MYH10: variants seen among roughly 807,000 people sequenced by gnomAD.
MYH10 encodes the protein myosin heavy chain 10.
MYH10 carries 55 observed loss-of-function variants against 257.8 expected under a neutral mutation model. That is an observed-to-expected ratio of 0.21 (90% CI 0.17 to 0.27). MYH10 has a LOEUF of 0.27. Among genes scored for constraint, MYH10 ranks in the 10% least tolerant of loss-of-function variants. The probability of loss-of-function intolerance (pLI) is 1.00; values close to 1 mark genes in which losing one functional copy is unlikely to be tolerated. For synonymous variants in MYH10, 854 were observed against 921.7 expected, an observed-to-expected ratio of 0.93 and a Z score of 1.33; for missense variants, 1,631 against 2,500.6, an observed-to-expected ratio of 0.65 and a Z score of 7.42.
chr17:8,627,629 C>T (rs2085734055), intron 1 of MYH10, among the ~76,000 whole-genome samples: 1 of 152,142 alleles, frequency 6.6e-6, no homozygotes, highest in Non-Finnish European at 1.5e-5. Context: ...TTGTAATTGT[C>T]AAATACATTT....
At chr17:8,612,648 C>G (rs1485598467) in intron 2 of MYH10, among the ~76,000 whole-genome samples, 1 of 152,086 alleles carries the variant, frequency 6.6e-6, no homozygotes, top group Non-Finnish European at 1.5e-5. Flanking sequence ...GTCAGGAGTT[C>G]AAAACCAGCC....
chr17:8,546,728 TA>T, intron 11 of MYH10, 66 bp from the exon 12 acceptor site: 1 of 1,161,026 alleles, frequency 8.6e-7, no homozygotes, highest in Non-Finnish European at 1.3e-6. Flanking sequence ...ATATATTCAA[TA>T]AACACTGGAA....
At chr17:8,607,784 C>T (rs960860718) in intron 2 of MYH10, among the ~76,000 whole-genome samples, 4 of 152,118 alleles carry the variant, frequency 2.6e-5, no homozygotes, top group African/African-American at 4.8e-5. Flanking sequence ...GACAAATAGA[C>T]GCACACTAAA....
In MYH10 at chr17:8,492,648, T is replaced by TG. The variant is rs1555571770; in HGVS notation, c.4458+127dup. 2,297 of 1,138,274 alleles carry TG rather than the reference T, an allele frequency of 2.0e-3. 20 individuals carry two copies. The African/African-American group carries it at 0.034, about 17-fold the overall frequency. 70.5% of individuals were successfully genotyped at this position (1,138,274 alleles called of 1,614,324 possible). ...TGTATTTCCTTTTTTTTTTTTTTTT[T>TG]GCTTTCCCTTTTTCCAATTTTGATA... On this transcript the variant is annotated intron_variant, in intron 33 of 42. Transcript: ENST00000360416.
chr17:8,556,586 A>T (rs1251299204), intron 7 of MYH10, among the ~76,000 whole-genome samples: 2 of 152,246 alleles, frequency 1.3e-5, no homozygotes, highest in Non-Finnish European at 2.9e-5. Flanking sequence ...AGGGACAGAA[A>T]CAGGTCAGTG....
chr17:8,506,154 C>A lies in MYH10; in HGVS notation c.3386+164G>T. On this transcript the variant is annotated intron_variant, in intron 27 of 42. Transcript: ENST00000360416. This position sits in a 1 kb window ranked among gnomAD's most constrained non-coding sequence, Gnocchi z 5.0. The stretch of plus-strand genomic sequence containing the variant: ...TTATGAGACTTTCTTGCTGTCCTGA[C>A]ACAAATTCTGTACGCCTGGGCTTTT... 1 of 600,270 alleles carries A rather than the reference C, an allele frequency of 1.7e-6. No individual in the cohort carries two copies. The allele number at this position is 600,270 out of a possible 1,614,324, so 37.2% of individuals were successfully genotyped here.
In MYH10 at chr17:8,511,015, CATATATATAT is replaced by C. The variant is rs56144668; in HGVS notation, c.2953-1076_2953-1067del. The C allele has an allele frequency of 2.2e-3, 262 of 120,514 alleles. 2 individuals are homozygous for C. The highest frequency in any genetic ancestry group is 9.5e-3 in the African/African-American group (247 of 25,958). The allele number at this position is 120,514 out of a possible 1,614,324, so 7.5% of individuals were successfully genotyped here. The stretch of plus-strand genomic sequence containing the variant: ...CTGTATCAAAACATCTCATGTACCC[CATATATATAT>C]ATATATATATATATATATATATATA... On this transcript the variant is annotated intron_variant, in intron 24 of 42. Transcript: ENST00000360416.
At chr17:8,505,640 C>T (rs1261369209) in intron 27 of MYH10, among the ~76,000 whole-genome samples, 1 of 152,230 alleles carries the variant, frequency 6.6e-6, no homozygotes, top group African/African-American at 2.4e-5. Context: ...ATCATGCTCT[C>T]AGTGGAGAAA....
Position 8,512,536 on chromosome 17 carries a change from T to C in MYH10, c.2867A>G (p.His956Arg), listed in dbSNP as rs142565684. The change falls in exon 24 of 43, where the codon CAT (histidine) becomes CGT (arginine). Residue 956 changes from histidine (H) to arginine (R), a missense_variant. By Grantham distance (29) the His-to-Arg change is conservative. Transcript: ENST00000360416. Reference sequence around the variant, plus strand: ...TTCTTCAACCCTAGACTCCAAGTCATGTAGAATCTCTTCTAATTCCTGCTT... The same window carrying C: ...TTCTTCAACCCTAGACTCCAAGTCACGTAGAATCTCTTCTAATTCCTGCTT... ...AKKQELEEIL[H>R]DLESRVEEEE... 1 of 1,613,890 alleles carries C rather than the reference T, an allele frequency of 6.2e-7. No individual in the cohort carries two copies. The highest frequency in any genetic ancestry group is 8.5e-7 in the Non-Finnish European group (1 of 1,180,014).
intron 4 of MYH10, among the ~76,000 whole-genome samples, chr17:8,585,453 C>T (rs945783673): frequency 3.3e-5 from 5 of 151,594 alleles, no homozygotes; most frequent in Middle Eastern, 3.4e-3. Context: ...ATTAGCTTGG[C>T]GGTGGACTAA....
intron 7 of MYH10, among the ~76,000 whole-genome samples, chr17:8,558,140 T>C (rs1038573070): frequency 3.3e-5 from 5 of 152,214 alleles, no homozygotes; most frequent in African/African-American, 1.2e-4. Context: ...AAGTTTTGTT[T>C]GGATTTTTGT....
At position 8,595,425 on chromosome 17, in the gene MYH10, C is replaced by CTTTTTTTTTTTT. The variant is rs10664342; in HGVS notation, c.503-6329_503-6318dup. ...TGCTGTCTCCCCAGTAAGAACAGTT[C>CTTTTTTTTTTTT]TTTTTTTTTTTTTTTTTTTTTTTTG... On this transcript the variant is annotated intron_variant, in intron 3 of 42. Coordinates refer to ENST00000360416, the MANE Select transcript of MYH10 (RefSeq NM_001256012.3). 4.8e-5 allele frequency among the ~76,000 whole-genome samples: 4 copies of CTTTTTTTTTTTT among 84,210 alleles called. 1 individual carries two copies. Among genetic ancestry groups the CTTTTTTTTTTTT allele is most frequent in the African/African-American group, 2.3e-4 (4 of 17,120 alleles). 55.2% of individuals were successfully genotyped at this position (84,210 alleles called of 152,430 possible).
intron 30 of MYH10, among the ~76,000 whole-genome samples, chr17:8,496,232 G>A (rs960732208): frequency 3.9e-5 from 6 of 152,234 alleles, no homozygotes; most frequent in African/African-American, 7.2e-5. Flanking sequence ...GCAGGGCGCC[G>A]TGCGTTCTCG....
chr17:8,575,209 C>T (rs1279821314), intron 6 of MYH10, among the ~76,000 whole-genome samples: 1 of 152,144 alleles, frequency 6.6e-6, no homozygotes, highest in Non-Finnish European at 1.5e-5. Context: ...GCATGCTACT[C>T]ACATACAACA....
rs1227953527 is a variant in MYH10 at position 8,518,905 on chromosome 17, A to G, written c.2319T>C (p.Asp773=). 4 of 1,610,492 alleles carry G rather than the reference A, an allele frequency of 2.5e-6. No homozygotes were observed. The highest frequency in any genetic ancestry group is 2.5e-6 in the Non-Finnish European group (3 of 1,177,696). ...CCATTCGTTCACAGGCCTGTTTACC[A>G]TCCATAAAACCTTTAGGAATAGCAT... The part of the protein sequence containing the change: ...TPNAIPKGFM[D]GKQACERMIR... The change falls in exon 20 of 43, where the codon GAT becomes GAC. Residue 773 remains aspartate (D), a synonymous_variant. Transcript: ENST00000360416.
At chr17:8,496,689 G>A (rs1044881100) in intron 30 of MYH10, among the ~76,000 whole-genome samples, 1 of 152,152 alleles carries the variant, frequency 6.6e-6, no homozygotes, top group Admixed American at 6.5e-5. Context: ...GTGAGAGCAC[G>A]CACACAATAT....
intron 26 of MYH10, among the ~76,000 whole-genome samples, chr17:8,507,653 C>G (rs2081115642): frequency 6.6e-6 from 1 of 152,220 alleles, no homozygotes; most frequent in South Asian, 2.1e-4. Context: ...AGAACAGTAT[C>G]TTTTACCACA....
chr17:8,499,643 T>C (rs548442174), intron 29 of MYH10, among the ~76,000 whole-genome samples, 167 bp from the exon 30 acceptor site: 84 of 152,314 alleles, frequency 5.5e-4, no homozygotes, highest in African/African-American at 1.8e-3. Flanking sequence ...TGTGAGGATT[T>C]CTACGTAAGG....
intron 7 of MYH10, among the ~76,000 whole-genome samples, chr17:8,565,634 A>T (rs1194714731): frequency 6.6e-6 from 1 of 152,248 alleles, no homozygotes; most frequent in Non-Finnish European, 1.5e-5. Context: ...TTTTTCTACT[A>T]AAAACAAATC....
Sources: allele counts gnomAD v4.1 joint callset (sites outside exome capture counted in the v4.1 genomes callset), GRCh38; gene constraint gnomAD v4.1.1; non-coding constraint Gnocchi (gnomAD v3.1); transcripts MANE v1.5; gene names NCBI Gene and HGNC (gene_info 2026-07-23, HGNC 2026-07-21).